Variants in TARS2 observed in about 807,000 individuals in gnomAD.
TARS2 encodes the protein threonine--tRNA ligase, mitochondrial.
In TARS2, 61 loss-of-function variants were observed where a neutral mutation model predicts 94.4. That is an observed-to-expected ratio of 0.65 (90% CI 0.53 to 0.80). The LOEUF is 0.80. TARS2 is among the 30% of genes least tolerant of loss of function. TARS2 has a pLI of 0.00. For synonymous variants in TARS2, 359 were observed against 353.4 expected (o/e 1.02, Z -0.18); for missense variants, 704 against 902.5 (o/e 0.78, Z 2.82).
Position 150,496,614 on chromosome 1 carries a change from C to T in TARS2, c.907C>T (p.Arg303Trp), listed in dbSNP as rs760438610. Residue 303 changes from arginine to tryptophan, a missense_variant, in exon 8 of 18, where the codon CGG becomes TGG. This residue lies in a region of TARS2 where 466 missense variants were observed against 609.5 expected (regional missense o/e 0.76). Coordinates refer to ENST00000369064, the MANE Select transcript of TARS2 (RefSeq NM_025150.5). ...WREEAELRDH[R>W]RIGKEQELFF... is the part of the protein sequence containing the mutation. Reference sequence around the variant, plus strand: ...GGAGGAAGCAGAATTGCGGGACCACCGGCGCATTGGGAAGGTACAGGAATT... The same window carrying T: ...GGAGGAAGCAGAATTGCGGGACCACTGGCGCATTGGGAAGGTACAGGAATT... The T allele has an allele frequency of 7.4e-6, 12 of 1,613,432 alleles. No individual in the cohort carries two copies. In the East Asian group the frequency reaches 8.9e-5, roughly 12 times the overall value.
At chr1:150,500,918 G>A (rs975199613) in intron 13 of TARS2, among the ~76,000 whole-genome samples, 2 of 152,138 alleles carry the variant, frequency 1.3e-5, no homozygotes, top group Non-Finnish European at 2.9e-5. Context: ...AGTTCCTGGA[G>A]AGGTTTAAGG....
intron 13 of TARS2, among the ~76,000 whole-genome samples, chr1:150,502,676 A>G (rs1669980972): frequency 1.3e-5 from 2 of 152,166 alleles, no homozygotes; most frequent in African/African-American, 4.8e-5. Flanking sequence ...GGAGTGGGCC[A>G]TGTGCCTTGC....
intron 7 of TARS2, among the ~76,000 whole-genome samples, chr1:150,494,928 T>C (rs1375323798): frequency 1.3e-5 from 2 of 152,056 alleles, no homozygotes; most frequent in Admixed American, 6.5e-5. Flanking sequence ...ACGCCTGTAA[T>C]CCCATCACTT....
At chr1:150,506,778 T>G in intron 17 of TARS2, 138 bp from the exon 18 acceptor site, 1 of 1,171,426 alleles carries the variant, frequency 8.5e-7, no homozygotes, top group Admixed American at 2.4e-5. Context: ...AGCTGAATAC[T>G]TCCTTTCTGT....
chr1:150,505,643 C>T lies in TARS2; in HGVS notation c.1946C>T (p.Ser649Phe). The T allele has an allele frequency of 1.9e-6, 3 of 1,614,168 alleles. No homozygotes were observed. The highest frequency in any genetic ancestry group is 1.7e-6 in the Non-Finnish European group (2 of 1,180,034). ...AGLVSDLDAD[S>F]GLTLSRRIRR... ...CTGGTCAGTGACCTGGATGCAGACT[C>T]TGGACTGACCCTCAGCCGGAGAATC... Residue 649 changes from serine to phenylalanine, a missense_variant, in exon 17 of 18, where the codon TCT becomes TTT. Ser to Phe is a radical substitution (Grantham distance 155). This residue lies in a region of TARS2 where 466 missense variants were observed against 609.5 expected (regional missense o/e 0.76). Coordinates refer to ENST00000369064, the MANE Select transcript of TARS2 (RefSeq NM_025150.5).
chr1:150,496,519 A>G lies in TARS2; in HGVS notation c.812A>G (p.Glu271Gly), dbSNP rs1180003947. ...TTATGGAGGTCTTCAGGGGCCCCAGAGACACTGCAGAGAGTGTCAGGGATT... is the reference window on the plus strand; with the variant it reads ...TTATGGAGGTCTTCAGGGGCCCCAGGGACACTGCAGAGAGTGTCAGGGATT... ...SSLWRSSGAPETLQRVSGISF... is the reference protein window; with the variant it reads ...SSLWRSSGAPGTLQRVSGISF... The change falls in exon 8 of 18, where the codon GAG (glutamate) becomes GGG (glycine). Residue 271 changes from glutamate (E) to glycine (G), a missense_variant. Transcript: ENST00000369064. 3 of 1,613,942 alleles carry G rather than the reference A, an allele frequency of 1.9e-6. No individual in the cohort carries two copies. In the African/African-American group the frequency reaches 4.0e-5, roughly 22 times the overall value.
intron 7 of TARS2, among the ~76,000 whole-genome samples, chr1:150,494,078 A>C (rs1669529212): frequency 6.6e-6 from 1 of 152,090 alleles, no homozygotes; most frequent in East Asian, 1.9e-4. Flanking sequence ...AAGATAATGA[A>C]AACCAGGCCA....
chr1:150,497,397 A>G (rs1669711577), intron 9 of TARS2, 133 bp from the exon 10 acceptor site: 1 of 740,436 alleles, frequency 1.4e-6, no homozygotes, highest in African/African-American at 1.7e-5. Flanking sequence ...GAGCATAGAG[A>G]TGGGACCTGG....
Position 150,490,531 on chromosome 1 carries a change from G to A in TARS2, c.388-70G>A, listed in dbSNP as rs1036603800. On this transcript the variant is annotated intron_variant, in intron 3 of 17. Transcript: ENST00000369064. ...CGGCTTTCCTACCAGCTTTTGTGAGGAAGAGCTCAGAGATCTAGGGGTTAA... is the reference window on the plus strand; with the variant it reads ...CGGCTTTCCTACCAGCTTTTGTGAGAAAGAGCTCAGAGATCTAGGGGTTAA... 4.6e-6 allele frequency: 7 copies of A among 1,532,956 alleles called. No homozygotes were observed. The African/African-American group carries it at 7.0e-5, about 15-fold the overall frequency. The allele number at this position is 1,532,956 out of a possible 1,614,324, so 95.0% of individuals were successfully genotyped here.
rs980530644 is a variant in TARS2 at position 150,487,472 on chromosome 1, C to G, written c.22C>G (p.Arg8Gly). Reference sequence around the variant, plus strand: ...GAACATGGCCCTGTATCAGAGGTGGCGGTGTCTCCGGCTCCAAGGTTTACA... The same window carrying G: ...GAACATGGCCCTGTATCAGAGGTGGGGGTGTCTCCGGCTCCAAGGTTTACA... The part of the protein sequence containing the change: MALYQRW[R>G]CLRLQGLQAC... Residue 8 changes from arginine to glycine, a missense_variant, in exon 1 of 18, where the codon CGG becomes GGG. Physicochemically the swap from Arg to Gly is moderately radical, Grantham distance 125. Coordinates refer to ENST00000369064, the MANE Select transcript of TARS2 (RefSeq NM_025150.5). 1 of 1,614,234 alleles carries G rather than the reference C, an allele frequency of 6.2e-7. No homozygotes were observed. Among genetic ancestry groups the G allele is most frequent in the Non-Finnish European group, 8.5e-7 (1 of 1,180,046 alleles).
chr1:150,495,844 C>T (rs587593773), intron 7 of TARS2, among the ~76,000 whole-genome samples: 2 of 152,168 alleles, frequency 1.3e-5, no homozygotes, highest in East Asian at 1.9e-4. Flanking sequence ...CTCAGCCTCC[C>T]GAGTAGCTGC....
rs10581752 is a variant in TARS2 at position 150,506,486 on chromosome 1, GCACACACA to G, written c.2009-407_2009-400del. Among the ~76,000 whole-genome samples, 53 of 123,780 alleles carry G rather than the reference GCACACACA, an allele frequency of 4.3e-4. 1 individual carries two copies. Among genetic ancestry groups the G allele is most frequent in the Middle Eastern group, 4.0e-3 (1 of 248 alleles). 81.2% of individuals were successfully genotyped at this position (123,780 alleles called of 152,430 possible). ...TAATACCCCCTTCAGACACGCGCGCGCACACACACACACACACACACACACACACAGTT... is the reference window on the plus strand; with the variant it reads ...TAATACCCCCTTCAGACACGCGCGCGCACACACACACACACACACACAGTT... On this transcript the variant is annotated intron_variant, in intron 17 of 17. Coordinates refer to ENST00000369064, the MANE Select transcript of TARS2 (RefSeq NM_025150.5).
intron 13 of TARS2, among the ~76,000 whole-genome samples, chr1:150,501,419 G>A (rs924672413): frequency 6.8e-5 from 9 of 131,954 alleles, no homozygotes; most frequent in Non-Finnish European, 1.2e-4. Context: ...CTGGATTCAC[G>A]CCATTCTCCT....
At chr1:150,495,647 GC>G (rs1304574824) in intron 7 of TARS2, among the ~76,000 whole-genome samples, 2 of 151,518 alleles carry the variant, frequency 1.3e-5, no homozygotes, top group Non-Finnish European at 2.9e-5. Flanking sequence ...ACCCACCTCA[GC>G]CCCCCAAAGT....
rs772955002 is a variant in TARS2, at chr1:150,488,029, C to T, written c.238C>T (p.Pro80Ser). 20 of 1,613,844 alleles carry T rather than the reference C, an allele frequency of 1.2e-5. No individual in the cohort carries two copies. In the South Asian group the frequency reaches 1.5e-4, roughly 12 times the overall value. The change falls in exon 2 of 18, where the codon CCC becomes TCC. Residue 80 changes from proline (P) to serine (S), a missense_variant. Around this residue, in one of 3 missense-constraint regions of TARS2, gnomAD observed 208 missense variants for 228.5 expected, o/e 0.91. Coordinates refer to ENST00000369064, the MANE Select transcript of TARS2 (RefSeq NM_025150.5). ...KIDAVAWNTT[P>S]YQLARQISST... ...TGATGCTGTGGCATGGAACACAACC[C>T]CCTACCAACTAGCCCGGCAGATCAG...
At chr1:150,506,496 A>G (rs968156345) in intron 17 of TARS2, among the ~76,000 whole-genome samples, 1 of 146,096 alleles carries the variant, frequency 6.8e-6, no homozygotes, top group South Asian at 2.2e-4. Flanking sequence ...GCACACACAC[A>G]CACACACACA....
chr1:150,499,827 G>A (rs1220217592), intron 13 of TARS2, among the ~76,000 whole-genome samples: 1 of 152,020 alleles, frequency 6.6e-6, no homozygotes, highest in Non-Finnish European at 1.5e-5. Context: ...GTTAGCTGGG[G>A]TTAGCATTAC....
chr1:150,499,326 ATTTATTT>A, intron 13 of TARS2, 33 bp downstream of exon 13: 1 of 1,591,896 alleles, frequency 6.3e-7, no homozygotes, highest in South Asian at 1.1e-5. Flanking sequence ...TGTTGTATTT[ATTTATTT>A]TTTGCTTTGT....
Position 150,506,486 on chromosome 1 carries a change from G to GCACACACACACACA in TARS2, c.2009-413_2009-400dup, listed in dbSNP as rs10581752. On this transcript the variant is annotated intron_variant, in intron 17 of 17. Coordinates refer to ENST00000369064, the MANE Select transcript of TARS2 (RefSeq NM_025150.5). ...TAATACCCCCTTCAGACACGCGCGC[G>GCACACACACACACA]CACACACACACACACACACACACAC... is the stretch of plus-strand genomic sequence containing the variant. Among the ~76,000 whole-genome samples the GCACACACACACACA allele has an allele frequency of 9.2e-3, 1,139 of 123,768 alleles. 38 individuals are homozygous for GCACACACACACACA. Among genetic ancestry groups the GCACACACACACACA allele is most frequent in the African/African-American group, 0.03 (1,031 of 33,924 alleles). 81.2% of individuals were successfully genotyped at this position (123,768 alleles called of 152,430 possible). A position where few individuals can be genotyped will look rare whatever the true frequency, so the allele number is the denominator to read the frequency against.
Sources: gnomAD v4.1 joint callset for allele counts (sites outside exome capture counted in the v4.1 genomes callset) on GRCh38, gnomAD v4.1.1 for gene constraint, gnomAD v4.1.1 regional missense constraint, MANE v1.5 for transcripts, NCBI Gene and HGNC (gene_info 2026-07-23, HGNC 2026-07-21) for gene names.